Variants in NECTIN3 observed in about 807,000 individuals in gnomAD.
The protein encoded by NECTIN3 is nectin cell adhesion molecule 3, also known as nectin-3.
In NECTIN3, 8 loss-of-function variants were observed where a neutral mutation model predicts 49.4. The ratio of observed to expected loss-of-function variants is 0.16; its 90% CI spans 0.10 to 0.29. NECTIN3 has a LOEUF of 0.29. NECTIN3 is among the 10% of genes least tolerant of loss of function. The pLI, the probability that NECTIN3 is intolerant of heterozygous loss-of-function variation, is 1.00. For missense variants in NECTIN3, 581 were observed against 654.6 expected, an observed-to-expected ratio of 0.89 and a Z score of 1.23; for synonymous variants, 277 against 241.1, an observed-to-expected ratio of 1.15 and a Z score of -1.38.
Position 111,134,355 on chromosome 3 carries a change from C to G in NECTIN3, c.*140C>G, listed in dbSNP as rs998689838. 1 of 1,402,324 alleles carries G rather than the reference C, an allele frequency of 7.1e-7. No homozygotes were observed. The allele number at this position is 1,402,324 out of a possible 1,614,324, so 86.9% of individuals were successfully genotyped here. Reference sequence around the variant, plus strand: ...GCTTACTTTTTATATTCTAATCTGACAAATGAAAATGTAAAATCTGAGTTC... The same window carrying G: ...GCTTACTTTTTATATTCTAATCTGAGAAATGAAAATGTAAAATCTGAGTTC... On this transcript the variant is annotated 3_prime_UTR_variant, in exon 6 of 6. Coordinates refer to ENST00000485303, the MANE Select transcript of NECTIN3 (RefSeq NM_015480.3).
At chr3:111,146,118 G>A (rs778405118) in intron 6 of NECTIN3, among the ~76,000 whole-genome samples, 2 of 152,142 alleles carry the variant, frequency 1.3e-5, no homozygotes, top group African/African-American at 2.4e-5. Flanking sequence ...ATACTTGTGG[G>A]ACTGGAGTGC....
chr3:111,193,109 C>A, intron 1 of NECTIN3: 1 of 1,141,570 alleles, frequency 8.8e-7, no homozygotes, highest in Non-Finnish European at 1.2e-6. Context: ...GGACACTAAA[C>A]TGTAGTGAAT....
chr3:111,192,267 G>T, upstream of NECTIN3: 2 of 1,209,774 alleles, frequency 1.7e-6, no homozygotes, highest in Non-Finnish European at 2.3e-6. Context: ...AGACATGATT[G>T]GCTCTTTTAA....
chr3:111,081,038 G>A (rs1311868606), intron 1 of NECTIN3, among the ~76,000 whole-genome samples: 2 of 152,100 alleles, frequency 1.3e-5, no homozygotes, highest in East Asian at 3.9e-4. Context: ...ATCCCTGAGA[G>A]GCTAAGGCAG....
In NECTIN3 at chr3:111,071,953, C is replaced by G; in HGVS notation, c.-65C>G. On this transcript the variant is annotated 5_prime_UTR_variant, in exon 1 of 6. Coordinates refer to ENST00000485303, the MANE Select transcript of NECTIN3 (RefSeq NM_015480.3). ...ACCTTCCACAGCCTCCGCCCAGAGC[C>G]TGAGGCGCCGGGGCCGGGGGAGCCG... 8.1e-7 allele frequency: 1 copy of G among 1,233,332 alleles called. No homozygotes were observed. Among genetic ancestry groups the G allele is most frequent in the Non-Finnish European group, 1.1e-6 (1 of 951,068 alleles). 76.4% of individuals were successfully genotyped at this position (1,233,332 alleles called of 1,614,324 possible).
Position 111,137,036 on chromosome 3 carries a change from A to G in NECTIN3, c.*2821A>G, listed in dbSNP as rs1409405411. 7.1e-6 allele frequency: 7 copies of G among 979,270 alleles called. No individual in the cohort carries two copies. Among genetic ancestry groups the G allele is most frequent in the Admixed American group, 6.2e-5 (1 of 16,134 alleles). 60.7% of individuals were successfully genotyped at this position (979,270 alleles called of 1,614,324 possible). A position where few individuals can be genotyped will look rare whatever the true frequency, so the allele number is the denominator to read the frequency against. ...GTTGCTTCTAATAGCCATATACAGG[A>G]AAGTTTTATAAGATAACCCACGGCT... On this transcript the variant is annotated 3_prime_UTR_variant, in exon 6 of 6. Transcript: ENST00000485303.
Position 111,081,636 on chromosome 3 carries a change from A to G in NECTIN3, c.160+9459A>G, listed in dbSNP as rs12492541. Among the ~76,000 whole-genome samples the G allele has an allele frequency of 5.5e-3, 836 of 152,372 alleles. 28 individuals are homozygous for G. Among genetic ancestry groups the G allele is most frequent in the Admixed American group, 0.049 (745 of 15,300 alleles). The stretch of plus-strand genomic sequence containing the variant: ...AAATTTAACAAAGTATTGTCGGATT[A>G]TAGAAAGAGGACCAATTTAACTAGG... On this transcript the variant is annotated intron_variant, in intron 1 of 5. Coordinates refer to ENST00000485303, the MANE Select transcript of NECTIN3 (RefSeq NM_015480.3).
intron 2 of NECTIN3, among the ~76,000 whole-genome samples, chr3:111,115,267 G>A (rs1400999293): frequency 6.6e-6 from 1 of 152,188 alleles, no homozygotes; most frequent in Non-Finnish European, 1.5e-5. Flanking sequence ...TTTATTGATT[G>A]TTCAAAGGAT....
intron 7 of NECTIN3, among the ~76,000 whole-genome samples, chr3:111,186,870 G>A (rs1460120913): frequency 6.6e-6 from 1 of 152,072 alleles, no homozygotes; most frequent in Non-Finnish European, 1.5e-5. Context: ...GGCTTTCTAG[G>A]AAAAGATACA....
At chr3:111,176,003 A>T (rs2035521521) in intron 7 of NECTIN3, among the ~76,000 whole-genome samples, 1 of 152,222 alleles carries the variant, frequency 6.6e-6, no homozygotes, top group African/African-American at 2.4e-5. Flanking sequence ...TCCTTTCACT[A>T]TCAGGTCAAG....
intron 1 of NECTIN3, 34 bp downstream of exon 1, chr3:111,072,211 G>A: frequency 1.3e-6 from 2 of 1,526,422 alleles, no homozygotes; most frequent in East Asian, 2.5e-5. Context: ...GTGGGCTGAG[G>A]GAGCCGCCAC....
At position 111,112,054 on chromosome 3, in the gene NECTIN3, T is replaced by C. The variant is rs746123789; in HGVS notation, c.185T>C (p.Val62Ala). ...LCGALAGPIIVEPHVTAVWGK... is the reference protein window; with the variant it reads ...LCGALAGPIIAEPHVTAVWGK... Reference sequence around the variant, plus strand: ...GGTGCCTTAGCTGGACCAATTATTGTGGAGCCACATGTCACAGCAGTATGG... The same window carrying C: ...GGTGCCTTAGCTGGACCAATTATTGCGGAGCCACATGTCACAGCAGTATGG... Residue 62 changes from valine to alanine, a missense_variant, in exon 2 of 6, where the codon GTG (valine) becomes GCG (alanine). By Grantham distance (64) the Val-to-Ala change is moderately conservative. Coordinates refer to ENST00000485303, the MANE Select transcript of NECTIN3 (RefSeq NM_015480.3). The C allele has an allele frequency of 2.3e-5, 37 of 1,610,298 alleles. No homozygotes were observed. Among genetic ancestry groups the C allele is most frequent in the Non-Finnish European group, 1.2e-5 (14 of 1,177,638 alleles).
At chr3:111,191,657 T>A (rs2035815597), upstream of NECTIN3, among the ~76,000 whole-genome samples, 1 of 152,046 alleles carries the variant, frequency 6.6e-6, no homozygotes, top group South Asian at 2.1e-4. Flanking sequence ...ATATGGCCTT[T>A]AAATCTATGT....
At position 111,072,130 on chromosome 3, in the gene NECTIN3, C is replaced by CGCTGCT. The variant is rs749811256; in HGVS notation, c.123_128dup (p.Leu42_Leu43dup). The CGCTGCT allele has an allele frequency of 7.7e-6, 12 of 1,549,818 alleles. No homozygotes were observed. Among genetic ancestry groups the CGCTGCT allele is most frequent in the South Asian group, 2.4e-5 (2 of 83,798 alleles). ...CTGCTGCAGCCCCCGACGCCACCTC[C>CGCTGCT]GCTGCTGCTGCTGCTCTTCCCGCTG... On this transcript the variant is annotated inframe_insertion, in exon 1 of 6. Coordinates refer to ENST00000485303, the MANE Select transcript of NECTIN3 (RefSeq NM_015480.3).
At chr3:111,109,407 C>A (rs1212081296) in intron 1 of NECTIN3, among the ~76,000 whole-genome samples, 2 of 151,982 alleles carry the variant, frequency 1.3e-5, no homozygotes, top group Non-Finnish European at 2.9e-5. Context: ...TTAAATTTGC[C>A]TTTCTAGGGT....
At chr3:111,085,206 T>G (rs558180398) in intron 1 of NECTIN3, among the ~76,000 whole-genome samples, 55 of 152,212 alleles carry the variant, frequency 3.6e-4, no homozygotes, top group Non-Finnish European at 6.3e-4. Context: ...GACACTCTAT[T>G]TCCAAATAAG....
intron 1 of NECTIN3, chr3:111,074,798 A>G (rs1427651092): frequency 6.6e-6 from 1 of 152,078 alleles, no homozygotes; most frequent in Non-Finnish European, 1.5e-5. Context: ...TCATTTAATT[A>G]TGAAATTCGA....
At chr3:111,086,606 A>G (rs1016457293) in intron 1 of NECTIN3, among the ~76,000 whole-genome samples, 2 of 152,120 alleles carry the variant, frequency 1.3e-5, no homozygotes, top group Admixed American at 6.5e-5. Flanking sequence ...CCATTTTTCT[A>G]TCTCTGTACA....
chr3:111,104,813 A>C (rs189542962), intron 1 of NECTIN3, among the ~76,000 whole-genome samples: 167 of 152,276 alleles, frequency 1.1e-3, no homozygotes, highest in Non-Finnish European at 2.2e-3. Context: ...TTGTGCTTTT[A>C]ATGACATATG....
Sources: allele counts gnomAD v4.1 joint callset (sites outside exome capture counted in the v4.1 genomes callset), GRCh38; gene constraint gnomAD v4.1.1; transcripts MANE v1.5; gene names NCBI Gene and HGNC (gene_info 2026-07-23, HGNC 2026-07-21).